Variants in PPARGC1A observed in about 807,000 individuals in gnomAD.
PPARGC1A encodes peroxisome proliferator-activated receptor gamma coactivator 1-alpha.
Under a neutral mutation model 88.7 loss-of-function variants are expected in PPARGC1A, and 25 were observed. The observed-to-expected ratio is 0.28, with a 90% CI of 0.21 to 0.39. PPARGC1A has a LOEUF of 0.39. Ranked by LOEUF, PPARGC1A falls within the 10% of genes least tolerant of loss-of-function variation. PPARGC1A has a pLI of 1.00. For synonymous variants in PPARGC1A, 363 were observed against 355.6 expected, an observed-to-expected ratio of 1.02 and a Z score of -0.24; for missense variants, 880 against 968.7, an observed-to-expected ratio of 0.91 and a Z score of 1.22.
At chr4:23,983,245 A>T in the PPARGC1A span, among the ~76,000 whole-genome samples, 1 of 152,192 alleles carries the variant, frequency 6.6e-6, no homozygotes, top group Non-Finnish European at 1.5e-5. Flanking sequence ...CTGGCATCAC[A>T]GAAATAAATA....
intron 2 of PPARGC1A, among the ~76,000 whole-genome samples, chr4:23,858,264 C>T (rs1412894384): frequency 1.3e-5 from 2 of 152,114 alleles, no homozygotes; most frequent in Non-Finnish European, 2.9e-5. Context: ...CCAACTAGAA[C>T]ATAAGCTCCA....
At chr4:24,182,304 T>C in the PPARGC1A span, among the ~76,000 whole-genome samples, 7 of 152,232 alleles carry the variant, frequency 4.6e-5, no homozygotes, top group Non-Finnish European at 8.8e-5. Context: ...GCTTCAACCA[T>C]GTCCCTGCAA....
chr4:24,435,037 C>A, the PPARGC1A span, among the ~76,000 whole-genome samples: 1 of 152,192 alleles, frequency 6.6e-6, no homozygotes, highest in South Asian at 2.1e-4. Context: ...ACAGAAACGT[C>A]CCTTCTTGTT....
chr4:24,380,062 C>A, the PPARGC1A span, among the ~76,000 whole-genome samples: 1 of 152,016 alleles, frequency 6.6e-6, no homozygotes, highest in Non-Finnish European at 1.5e-5. Flanking sequence ...CAGGCCTGAG[C>A]CACCGTGCCT....
the PPARGC1A span, among the ~76,000 whole-genome samples, chr4:24,441,806 A>C: frequency 1.3e-5 from 2 of 152,254 alleles, no homozygotes; most frequent in Non-Finnish European, 1.5e-5. Flanking sequence ...AGGGAGGCAG[A>C]AACTCTGAGC....
chr4:24,279,231 T>C, the PPARGC1A span, among the ~76,000 whole-genome samples: 3 of 152,204 alleles, frequency 2.0e-5, no homozygotes, highest in Admixed American at 2.0e-4. Flanking sequence ...GCCTCTCCGT[T>C]TTGCTTTTTC....
intron 2 of PPARGC1A, among the ~76,000 whole-genome samples, chr4:23,832,207 A>C (rs1725131757): frequency 1.3e-5 from 2 of 152,140 alleles, no homozygotes; most frequent in African/African-American, 2.4e-5. Context: ...TATTTGAACA[A>C]CACCAGAAAG....
the PPARGC1A span, among the ~76,000 whole-genome samples, chr4:23,985,926 T>C: frequency 6.6e-6 from 1 of 151,936 alleles, no homozygotes; most frequent in South Asian, 2.1e-4. Context: ...AGAAAACCTG[T>C]CCCTCTAGCC....
the PPARGC1A span, among the ~76,000 whole-genome samples, chr4:24,147,841 G>C: frequency 6.6e-6 from 1 of 152,294 alleles, no homozygotes; most frequent in South Asian, 2.1e-4. Context: ...CTACATGGGA[G>C]GCTGAGGCAC....
chr4:23,890,917 C>T (rs1378002849), upstream of PPARGC1A, among the ~76,000 whole-genome samples: 4 of 152,058 alleles, frequency 2.6e-5, no homozygotes, highest in East Asian at 3.9e-4. Context: ...ATACATGTAG[C>T]GTTTCCTCCC....
the PPARGC1A span, among the ~76,000 whole-genome samples, chr4:24,342,528 T>C: frequency 6.6e-6 from 1 of 152,306 alleles, no homozygotes; most frequent in African/African-American, 2.4e-5. Context: ...TTGATTTTTC[T>C]TTCAGAGAGA....
At chr4:23,820,470 C>A in intron 7 of PPARGC1A, 1 of 255,190 alleles carries the variant, frequency 3.9e-6, no homozygotes, top group Non-Finnish European at 8.0e-6. Flanking sequence ...AAACCGTCAC[C>A]TTGTTGAGCT....
chr4:24,079,339 ATTGTT>A, the PPARGC1A span, among the ~76,000 whole-genome samples: 1 of 151,920 alleles, frequency 6.6e-6, no homozygotes, highest in African/African-American at 2.4e-5. Flanking sequence ...TGTCCCCATT[ATTGTT>A]TTAATTTGCA....
At chr4:24,449,038 A>T in the PPARGC1A span, among the ~76,000 whole-genome samples, 1 of 152,186 alleles carries the variant, frequency 6.6e-6, no homozygotes, top group South Asian at 2.1e-4. Context: ...TCCCTTTGAG[A>T]TGTTCTTTCA....
At chr4:23,860,463 C>T (rs771962132) in intron 2 of PPARGC1A, among the ~76,000 whole-genome samples, 4 of 152,012 alleles carry the variant, frequency 2.6e-5, no homozygotes, top group Non-Finnish European at 5.9e-5. Context: ...TTTAGGTGCT[C>T]TTACTACAAA....
At chr4:24,217,052 C>T in the PPARGC1A span, among the ~76,000 whole-genome samples, 2 of 152,286 alleles carry the variant, frequency 1.3e-5, no homozygotes, top group Middle Eastern at 6.8e-3. Context: ...TCAGCAGACT[C>T]CGGAATGACG....
At chr4:23,960,421 A>G in the PPARGC1A span, among the ~76,000 whole-genome samples, 1 of 152,246 alleles carries the variant, frequency 6.6e-6, no homozygotes, top group Admixed American at 6.5e-5. Context: ...TATGATCAAG[A>G]AACCCTTCTC....
At chr4:23,928,864 AAC>A in the PPARGC1A span, among the ~76,000 whole-genome samples, 1 of 152,086 alleles carries the variant, frequency 6.6e-6, no homozygotes, top group Non-Finnish European at 1.5e-5. Flanking sequence ...ATCCTCAGCA[AAC>A]TAATGCAGGA....
rs569146577 is a variant in PPARGC1A at position 23,873,172 on chromosome 4, G to A, written c.234+11580C>T. ...AAGATTGTGCCTCTGCACTCCAGCC[G>A]GGGCGACAGAGCGAGACTCCGTCTC... is the stretch of plus-strand genomic sequence containing the variant. On this transcript the variant is annotated intron_variant, in intron 2 of 12. Transcript: ENST00000264867. 5.7e-5 allele frequency among the ~76,000 whole-genome samples: 8 copies of A among 139,258 alleles called. No homozygotes were observed. The South Asian group carries it at 1.9e-3, about 32-fold the overall frequency. 91.4% of individuals were successfully genotyped at this position (139,258 alleles called of 152,430 possible).
Sources: gnomAD v4.1 joint callset for allele counts (sites outside exome capture counted in the v4.1 genomes callset) on GRCh38, gnomAD v4.1.1 for gene constraint, MANE v1.5 for transcripts, NCBI Gene and HGNC (gene_info 2026-07-23, HGNC 2026-07-21) for gene names.